ZNF385B: variants seen among roughly 807,000 people sequenced by gnomAD.
ZNF385B encodes zinc finger protein 533.
Under a neutral mutation model 39.2 loss-of-function variants are expected in ZNF385B, and 23 were observed. The ratio of observed to expected loss-of-function variants is 0.59; its 90% confidence interval spans 0.42 to 0.83. ZNF385B has a LOEUF of 0.83. Ranked by LOEUF, ZNF385B falls within the 40% of genes least tolerant of loss-of-function variation. The probability of loss-of-function intolerance (pLI) is 0.00; values close to 1 mark genes in which losing one functional copy is unlikely to be tolerated. For synonymous variants in ZNF385B, 205 were observed against 222.6 expected (o/e 0.92, Z 0.70); for missense variants, 552 against 598.9 (o/e 0.92, Z 0.82).
intron 3 of ZNF385B, among the ~76,000 whole-genome samples, chr2:179,683,582 T>A (rs1349928344): frequency 6.6e-6 from 1 of 151,812 alleles, no homozygotes; most frequent in Non-Finnish European, 1.5e-5. Context: ...TTCAAGTGAT[T>A]CTCCTGCCTC....
chr2:179,539,095 T>C (rs1225571902), intron 4 of ZNF385B, among the ~76,000 whole-genome samples: 2 of 152,226 alleles, frequency 1.3e-5, no homozygotes, highest in African/African-American at 4.8e-5. Flanking sequence ...AAATACCATA[T>C]ACTGGGTAGC....
chr2:179,656,785 C>G (rs1486088025), intron 3 of ZNF385B, among the ~76,000 whole-genome samples: 1 of 152,038 alleles, frequency 6.6e-6, no homozygotes, highest in Non-Finnish European at 1.5e-5. Flanking sequence ...TATATCTGTG[C>G]TCATACATAA....
At chr2:179,775,685 C>T (rs746283) in intron 1 of ZNF385B, among the ~76,000 whole-genome samples, 12,033 of 152,154 alleles carry the variant, frequency 0.079, 646 homozygotes, top group Admixed American at 0.16. Flanking sequence ...ATTTTGAACT[C>T]AGCTTTGGAG....
intron 1 of ZNF385B, among the ~76,000 whole-genome samples, chr2:179,807,918 GAAAGAAA>G: frequency 6.7e-6 from 1 of 149,742 alleles, no homozygotes; most frequent in East Asian, 2.0e-4. Flanking sequence ...AAGAAAGAAA[GAAAGAAA>G]GAAAGAAGGA....
chr2:179,739,678 C>T (rs1463060031), intron 3 of ZNF385B, among the ~76,000 whole-genome samples: 1 of 152,130 alleles, frequency 6.6e-6, no homozygotes, highest in African/African-American at 2.4e-5. Context: ...ATCATGGTGG[C>T]TGGCACAAAA....
chr2:179,598,124 A>T (rs1019396205), intron 3 of ZNF385B, among the ~76,000 whole-genome samples: 59 of 152,202 alleles, frequency 3.9e-4, no homozygotes, highest in African/African-American at 1.3e-3. Flanking sequence ...TACTCAATGA[A>T]TACAAAGTTT....
At chr2:179,599,922 C>G (rs927015801) in intron 3 of ZNF385B, among the ~76,000 whole-genome samples, 3 of 152,164 alleles carry the variant, frequency 2.0e-5, no homozygotes, top group Non-Finnish European at 2.9e-5. Context: ...GGCTACGAGG[C>G]AAAGCTGCTG....
chr2:179,632,862 A>G (rs1014452130), intron 3 of ZNF385B, among the ~76,000 whole-genome samples: 1 of 152,240 alleles, frequency 6.6e-6, no homozygotes, highest in African/African-American at 2.4e-5. Context: ...AAAAAATGAT[A>G]AAGGGGATAT....
chr2:179,802,994 C>T (rs1368115615), intron 1 of ZNF385B, among the ~76,000 whole-genome samples: 5 of 152,102 alleles, frequency 3.3e-5, no homozygotes, highest in Admixed American at 6.6e-5. Flanking sequence ...CTACATGTCA[C>T]GTGCTTTAAC....
chr2:179,854,804 TTA>T (rs1684451801), intron 1 of ZNF385B, among the ~76,000 whole-genome samples: 1 of 152,214 alleles, frequency 6.6e-6, no homozygotes, highest in Non-Finnish European at 1.5e-5. Flanking sequence ...TAAAATTTCA[TTA>T]TGTCTTCTTA....
At chr2:179,856,987 CGTG>C (rs1684656466) in intron 1 of ZNF385B, among the ~76,000 whole-genome samples, 1 of 152,158 alleles carries the variant, frequency 6.6e-6, no homozygotes. Context: ...CTTCTCAAAG[CGTG>C]GTTCAAGGAT....
At chr2:179,480,658 G>C (rs1381899125) in intron 6 of ZNF385B, among the ~76,000 whole-genome samples, 3 of 151,246 alleles carry the variant, frequency 2.0e-5, no homozygotes, top group Non-Finnish European at 4.4e-5. Flanking sequence ...TATGGTTGAT[G>C]GTGACAAAAG....
chr2:179,792,375 C>CCT (rs1553535786), intron 1 of ZNF385B, among the ~76,000 whole-genome samples: 3 of 124,126 alleles, frequency 2.4e-5, no homozygotes, highest in African/African-American at 9.4e-5. Context: ...ATTTTCTTTT[C>CCT]TTTTTTTTTT....
chr2:179,653,876 T>A (rs990188383), intron 3 of ZNF385B, among the ~76,000 whole-genome samples: 2 of 140,362 alleles, frequency 1.4e-5, no homozygotes, highest in African/African-American at 4.9e-5. Flanking sequence ...CACTTTAATC[T>A]TTCTAAAGGA....
chr2:179,524,290 C>T (rs2058715974), intron 4 of ZNF385B, among the ~76,000 whole-genome samples: 1 of 152,026 alleles, frequency 6.6e-6, no homozygotes, highest in African/African-American at 2.4e-5. Flanking sequence ...CGGTGGCTGA[C>T]GCCTGCAATC....
At chr2:179,757,159 G>A (rs981936751) in intron 3 of ZNF385B, among the ~76,000 whole-genome samples, 1 of 152,216 alleles carries the variant, frequency 6.6e-6, no homozygotes, top group Admixed American at 6.5e-5. Flanking sequence ...TGTCCTTTCT[G>A]TTTGTTAGTT....
chr2:179,845,915 T>A lies in ZNF385B; in HGVS notation c.-155+15186A>T, dbSNP rs997167965. 3.3e-5 allele frequency among the ~76,000 whole-genome samples: 5 copies of A among 152,232 alleles called. No individual in the cohort carries two copies. The East Asian group carries it at 9.6e-4, about 29-fold the overall frequency. ...GACACTATTAAAAGTTGTCATGTCA[T>A]GTGGCTAGCAGGACTTTTTCAAAGC... On this transcript the variant is annotated intron_variant, in intron 1 of 9. Transcript: ENST00000410066.
chr2:179,552,344 T>C (rs2060627719), intron 3 of ZNF385B, among the ~76,000 whole-genome samples: 1 of 149,322 alleles, frequency 6.7e-6, no homozygotes, highest in Non-Finnish European at 1.5e-5. Flanking sequence ...AAGAAGCATT[T>C]GCAGAATGAG....
chr2:179,529,556 T>A (rs373175672), intron 4 of ZNF385B, among the ~76,000 whole-genome samples: 2 of 152,014 alleles, frequency 1.3e-5, no homozygotes, highest in African/African-American at 4.8e-5. Flanking sequence ...TTGAAAAAAA[T>A]ATGAGAAAAT....
Sources: gnomAD v4.1 joint callset for allele counts (sites outside exome capture counted in the v4.1 genomes callset) on GRCh38, gnomAD v4.1.1 for gene constraint, MANE v1.5 for transcripts, NCBI Gene and HGNC (gene_info 2026-07-23, HGNC 2026-07-21) for gene names.